CREBBP: variants seen among roughly 807,000 people sequenced by gnomAD.
CREBBP encodes CREB-binding protein.
Under a neutral mutation model 265.0 loss-of-function variants are expected in CREBBP, and 19 were observed. That is an observed-to-expected ratio of 0.07 (90% CI 0.05 to 0.11). CREBBP has a LOEUF of 0.11. CREBBP is among the 10% of genes least tolerant of loss of function. The probability of loss-of-function intolerance (pLI) is 1.00; values close to 1 mark genes in which losing one functional copy is unlikely to be tolerated. For missense variants in CREBBP, 2,525 were observed against 3,219.0 expected, an observed-to-expected ratio of 0.78 and a Z score of 5.22; for synonymous variants, 1,457 against 1,223.7, an observed-to-expected ratio of 1.19 and a Z score of -3.98.
chr16:3,781,311 A>C lies in CREBBP; in HGVS notation c.1574-5T>G. Reference sequence around the variant, plus strand: ...GAATGTTCATTGGATTATTTCCTTTAAAGACAGAAAAGAAATCAATCAACA... The same window carrying C: ...GAATGTTCATTGGATTATTTCCTTTCAAGACAGAAAAGAAATCAATCAACA... On this transcript the variant is annotated splice_region_variant and splice_polypyrimidine_tract_variant and intron_variant, in intron 6 of 30. Coordinates refer to ENST00000262367, the MANE Select transcript of CREBBP (RefSeq NM_004380.3). 6.2e-7 allele frequency: 1 copy of C among 1,609,304 alleles called. No homozygotes were observed. The highest frequency in any genetic ancestry group is 8.5e-7 in the Non-Finnish European group (1 of 1,176,126).
chr16:3,762,935 C>A (rs779805462), intron 16 of CREBBP, among the ~76,000 whole-genome samples: 22 of 151,974 alleles, frequency 1.4e-4, no homozygotes, highest in Non-Finnish European at 2.4e-4. Flanking sequence ...TCACCATGGC[C>A]GGCTAATTTT....
intron 1 of CREBBP, among the ~76,000 whole-genome samples, chr16:3,878,973 G>A (rs1158214945): frequency 2.7e-5 from 4 of 150,658 alleles, no homozygotes; most frequent in African/African-American, 9.9e-5. Flanking sequence ...CAAACAAAAA[G>A]ATGATTTATT....
At chr16:3,793,899 A>C (rs1407086405) in intron 3 of CREBBP, among the ~76,000 whole-genome samples, 2 of 152,162 alleles carry the variant, frequency 1.3e-5, no homozygotes, top group African/African-American at 4.8e-5. Flanking sequence ...ACCAAAATCC[A>C]ACTCACTCTA....
At chr16:3,736,968 A>G in intron 26 of CREBBP, 153 bp from the exon 27 acceptor site, 1 of 924,248 alleles carries the variant, frequency 1.1e-6, no homozygotes. Flanking sequence ...GGTGGGGGCA[A>G]GGCTCGAACT....
Position 3,880,255 on chromosome 16 carries a change from G to C in CREBBP, c.-339C>G, listed in dbSNP as rs995869573. The C allele has an allele frequency of 2.8e-5, 4 of 141,400 alleles. No individual in the cohort carries two copies. Among genetic ancestry groups the C allele is most frequent in the African/African-American group, 1.0e-4 (4 of 39,110 alleles). The allele number at this position is 141,400 out of a possible 1,614,324, so 8.8% of individuals were successfully genotyped here. Reference sequence around the variant, plus strand: ...GCCGCCCCCCCGGGCCCGGCTGGCAGCGACGGCGCCCGGCCGGGCGGCTCA... The same window carrying C: ...GCCGCCCCCCCGGGCCCGGCTGGCACCGACGGCGCCCGGCCGGGCGGCTCA... On this transcript the variant is annotated 5_prime_UTR_variant, in exon 1 of 31. Coordinates refer to ENST00000262367, the MANE Select transcript of CREBBP (RefSeq NM_004380.3).
intron 13 of CREBBP, 121 bp from the exon 14 acceptor site, chr16:3,771,107 C>T (rs1262926002): frequency 1.0e-5 from 11 of 1,058,214 alleles, no homozygotes; most frequent in Middle Eastern, 2.3e-4. Context: ...TCACTCTTGT[C>T]GCCCAGGCTG....
intron 3 of CREBBP, among the ~76,000 whole-genome samples, chr16:3,803,601 G>A (rs1221344108): frequency 6.6e-6 from 1 of 152,100 alleles, no homozygotes; most frequent in Non-Finnish European, 1.5e-5. Flanking sequence ...ATTTAAAGTA[G>A]AAAGCAAATG....
In CREBBP at chr16:3,731,590, C is replaced by T. The variant is rs1291335846; in HGVS notation, c.4891-117G>A. 2.1e-6 allele frequency: 3 copies of T among 1,431,878 alleles called. No individual in the cohort carries two copies. The African/African-American group carries it at 4.2e-5, about 20-fold the overall frequency. The allele number at this position is 1,431,878 out of a possible 1,614,324, so 88.7% of individuals were successfully genotyped here. On this transcript the variant is annotated intron_variant, in intron 29 of 30. Coordinates refer to ENST00000262367, the MANE Select transcript of CREBBP (RefSeq NM_004380.3). The surrounding 1 kb of genome is among the most constrained non-coding windows in gnomAD (Gnocchi z 7.7). ...TAGGCAGGTGGCTGAGCCTGATGGC[C>T]CTGATGCCTTGGGATGGAACAAAAT... is the stretch of plus-strand genomic sequence containing the variant.
intron 14 of CREBBP, 88 bp from the exon 15 acceptor site, chr16:3,769,441 C>CA: frequency 6.6e-7 from 1 of 1,508,270 alleles, no homozygotes; most frequent in Non-Finnish European, 9.2e-7. Flanking sequence ...TACAATTTCC[C>CA]ATTAACATTT....
At chr16:3,787,085 AAG>A (rs1358552420) in intron 5 of CREBBP, among the ~76,000 whole-genome samples, 1 of 152,046 alleles carries the variant, frequency 6.6e-6, no homozygotes, top group Non-Finnish European at 1.5e-5. Context: ...AAAAAAAAAA[AAG>A]AATTTATTCA....
At chr16:3,837,771 CTG>C (rs1455332285) in intron 2 of CREBBP, among the ~76,000 whole-genome samples, 4 of 151,974 alleles carry the variant, frequency 2.6e-5, no homozygotes, top group South Asian at 4.1e-4. Flanking sequence ...TTTTAAAAAA[CTG>C]AAGTTTATAA....
At chr16:3,817,584 C>A (rs867990257) in intron 2 of CREBBP, among the ~76,000 whole-genome samples, 1 of 152,150 alleles carries the variant, frequency 6.6e-6, no homozygotes, top group African/African-American at 2.4e-5. Context: ...AAAGTCAAGT[C>A]AAGTCCTTCA....
At chr16:3,862,709 G>A (rs552350868) in intron 1 of CREBBP, among the ~76,000 whole-genome samples, 3 of 151,998 alleles carry the variant, frequency 2.0e-5, no homozygotes, top group East Asian at 1.9e-4. Flanking sequence ...CCACTGTATC[G>A]AATTCGTACC....
chr16:3,780,874 G>T lies in CREBBP; in HGVS notation c.1681C>A (p.Leu561Met). ...LPTSLGATNPLMNDGSNSGNI... is the reference protein window; with the variant it reads ...LPTSLGATNPMMNDGSNSGNI... ...CCAGAGTTGGAGCCATCGTTCATCAGTGGGCTAAGGAGGAAATAAAGACAC... is the reference window on the plus strand; with the variant it reads ...CCAGAGTTGGAGCCATCGTTCATCATTGGGCTAAGGAGGAAATAAAGACAC... The change falls in exon 8 of 31, where the codon CTG (leucine) becomes ATG (methionine). Residue 561 changes from leucine (L) to methionine (M), a missense_variant. Physicochemically the swap from Leu to Met is conservative, Grantham distance 15 (BLOSUM62 2). Transcript: ENST00000262367. The T allele has an allele frequency of 6.2e-7, 1 of 1,613,380 alleles. No individual in the cohort carries two copies. Among genetic ancestry groups the T allele is most frequent in the Non-Finnish European group, 8.5e-7 (1 of 1,180,032 alleles).
intron 14 of CREBBP, 22 bp downstream of exon 14, chr16:3,770,548 C>G (rs200897471): frequency 1.2e-6 from 2 of 1,610,972 alleles, no homozygotes; most frequent in East Asian, 2.2e-5. Flanking sequence ...GGCCCAAAAA[C>G]AGCAGAGACA....
At chr16:3,783,616 T>C (rs2053323358) in intron 5 of CREBBP, among the ~76,000 whole-genome samples, 1 of 152,200 alleles carries the variant, frequency 6.6e-6, no homozygotes, top group Admixed American at 6.5e-5. Flanking sequence ...ACTGAGCTGT[T>C]TGAAATTAAG....
In CREBBP at chr16:3,728,509, G is replaced by T. The variant is rs761992793; in HGVS notation, c.6538C>A (p.Pro2180Thr). 2.5e-6 allele frequency: 4 copies of T among 1,614,072 alleles called. No individual in the cohort carries two copies. The highest frequency in any genetic ancestry group is 1.6e-4 in the Middle Eastern group (1 of 6,062). The change falls in exon 31 of 31, where the codon CCC (proline) becomes ACC (threonine). Residue 2180 changes from proline to threonine, a missense_variant. This residue lies in a region of CREBBP where 473 missense variants were observed against 459.3 expected (regional missense o/e 1.03). Coordinates refer to ENST00000262367, the MANE Select transcript of CREBBP (RefSeq NM_004380.3). This position sits in a 1 kb window ranked among gnomAD's most constrained non-coding sequence, Gnocchi z 8.7. ...ALNIMNPGHN[P>T]NMASMNPQYR... ...TGTGGATTCATACTCGCCATGTTGG[G>T]GTTGTGTCCTGGGTTCATGATGTTC...
chr16:3,757,813 C>T lies in CREBBP; in HGVS notation c.3605G>A (p.Arg1202His), dbSNP rs55867523. 19 of 1,613,966 alleles carry T rather than the reference C, an allele frequency of 1.2e-5. No individual in the cohort carries two copies. The highest frequency in any genetic ancestry group is 5.5e-5 in the South Asian group (5 of 91,084). ...CGGAAAAACTTAAAACTGTACCTTG[C>T]GTCCACAGCAATATCCAAGGGACTG... ...VMQSLGYCCG[R>H]KYEFSPQTLC... Residue 1202 changes from arginine (R) to histidine (H), a missense_variant, in exon 18 of 31, where the codon CGC becomes CAC. Physicochemically the swap from Arg to His is conservative, Grantham distance 29 (BLOSUM62 0). This residue lies in a region of CREBBP where 252 missense variants were observed against 452.5 expected (regional missense o/e 0.56). Transcript: ENST00000262367.
chr16:3,852,075 A>AAAAAAAT (rs2054856984), intron 1 of CREBBP, among the ~76,000 whole-genome samples: 1 of 124,954 alleles, frequency 8.0e-6, no homozygotes, highest in Non-Finnish European at 1.7e-5. Flanking sequence ...AAAAAAAAAA[A>AAAAAAAT]GAATGTATGT....
Sources: gnomAD v4.1 joint callset for allele counts (sites outside exome capture counted in the v4.1 genomes callset) on GRCh38, gnomAD v4.1.1 for gene constraint, gnomAD v4.1.1 regional missense constraint, Gnocchi (gnomAD v3.1) non-coding constraint, MANE v1.5 for transcripts, NCBI Gene and HGNC (gene_info 2026-07-23, HGNC 2026-07-21) for gene names.